Variants in DAB1 observed in about 807,000 individuals in gnomAD.
The protein encoded by DAB1 is DAB adaptor protein 1.
DAB1 carries 15 observed loss-of-function variants against 64.6 expected under a neutral mutation model. The ratio of observed to expected loss-of-function variants is 0.23; its 90% CI spans 0.16 to 0.36. The LOEUF is 0.36. Ranked by LOEUF, DAB1 falls within the 10% of genes least tolerant of loss-of-function variation. DAB1 has a pLI of 1.00. For synonymous variants in DAB1, 235 were observed against 251.9 expected (o/e 0.93, Z 0.64); for missense variants, 596 against 706.7 (o/e 0.84, Z 1.78).
chr1:57,508,935 A>G (rs192559176), intron 7 of DAB1, among the ~76,000 whole-genome samples: 30 of 151,880 alleles, frequency 2.0e-4, no homozygotes, highest in African/African-American at 5.1e-4. Context: ...CATATATAAA[A>G]TGCATTAATA....
intron 5 of DAB1, among the ~76,000 whole-genome samples, chr1:58,122,618 C>T (rs1652818923): frequency 6.6e-6 from 1 of 151,842 alleles, no homozygotes; most frequent in Non-Finnish European, 1.5e-5. Context: ...AATGCATTTT[C>T]ACACCACAGT....
chr1:58,227,933 C>T (rs1267351708), intron 4 of DAB1, among the ~76,000 whole-genome samples: 1 of 152,188 alleles, frequency 6.6e-6, no homozygotes, highest in African/African-American at 2.4e-5. Flanking sequence ...AGCAAGCTCT[C>T]TATGAGGCTG....
intron 7 of DAB1, among the ~76,000 whole-genome samples, chr1:57,510,799 C>T (rs1644396952): frequency 6.6e-6 from 1 of 151,994 alleles, no homozygotes; most frequent in South Asian, 2.1e-4. Flanking sequence ...ATTTTTTAGA[C>T]TCGGGGTCTC....
intron 1 of DAB1, among the ~76,000 whole-genome samples, chr1:58,532,519 A>G (rs972800692): frequency 7.9e-5 from 12 of 152,128 alleles, no homozygotes; most frequent in Non-Finnish European, 5.9e-5. Context: ...TTAAGAAAAA[A>G]AGATTTTTTT....
At chr1:57,403,480 G>A (rs979387390) in intron 1 of DAB1, among the ~76,000 whole-genome samples, 51 of 152,276 alleles carry the variant, frequency 3.3e-4, no homozygotes, top group African/African-American at 1.2e-3. Context: ...CTTGCAGACT[G>A]AAGCCAGAAT....
intron 1 of DAB1, among the ~76,000 whole-genome samples, chr1:57,841,580 A>C (rs1653050243): frequency 6.6e-6 from 1 of 152,168 alleles, no homozygotes; most frequent in African/African-American, 2.4e-5. Context: ...CAGGCCTAAC[A>C]CCACATGGAA....
chr1:57,415,314 C>T (rs1031279787), intron 1 of DAB1, among the ~76,000 whole-genome samples: 2 of 149,702 alleles, frequency 1.3e-5, no homozygotes, highest in African/African-American at 4.9e-5. Context: ...ATTAGAGAAC[C>T]TAAATTTGAA....
intron 7 of DAB1, among the ~76,000 whole-genome samples, chr1:57,462,813 T>C (rs1052948810): frequency 1.3e-5 from 2 of 152,104 alleles, no homozygotes; most frequent in South Asian, 4.2e-4. Context: ...AAAACTAATA[T>C]ATAATGTAGT....
intron 6 of DAB1, among the ~76,000 whole-genome samples, chr1:57,685,599 G>T (rs1646687642): frequency 2.0e-5 from 3 of 152,218 alleles, no homozygotes; most frequent in South Asian, 4.1e-4. Context: ...AACAACCAAA[G>T]AATATACATT....
chr1:58,299,659 C>T (rs1193850292), intron 4 of DAB1, among the ~76,000 whole-genome samples: 1 of 152,152 alleles, frequency 6.6e-6, no homozygotes, highest in Non-Finnish European at 1.5e-5. Flanking sequence ...AGTGCCCACA[C>T]CCATGCACCT....
intron 2 of DAB1, among the ~76,000 whole-genome samples, chr1:58,508,526 G>A (rs1557446101): frequency 6.6e-6 from 1 of 152,110 alleles, no homozygotes; most frequent in Non-Finnish European, 1.5e-5. Context: ...CATAATCTGC[G>A]AGAGCAATTA....
chr1:57,924,042 G>C (rs1570003064), intron 5 of DAB1, among the ~76,000 whole-genome samples: 1 of 152,152 alleles, frequency 6.6e-6, no homozygotes, highest in East Asian at 1.9e-4. Flanking sequence ...TGTTAGACAA[G>C]GCTGAATACA....
Position 58,074,523 on chromosome 1 carries a change from C to CATATAT in DAB1, n.387+75982_387+75987dup, listed in dbSNP as rs1233352276. ...CTCAGGGAAGATTCTAATATATATACATATATATATATATATATATACACA... is the reference window on the plus strand; with the variant it reads ...CTCAGGGAAGATTCTAATATATATACATATATATATATATATATATATATATACACA... On this transcript the variant is annotated intron_variant and non_coding_transcript_variant, in intron 5 of 20. Coordinates refer to the DAB1 transcript ENST00000485760. The CATATAT allele has an allele frequency of 4.1e-3, 343 of 84,136 alleles. 6 individuals are homozygous for CATATAT. Among genetic ancestry groups the CATATAT allele is most frequent in the African/African-American group, 0.011 (238 of 22,020 alleles). 5.2% of individuals were successfully genotyped at this position (84,136 alleles called of 1,614,324 possible). A position where few individuals can be genotyped will look rare whatever the true frequency, so the allele number is the denominator to read the frequency against.
rs115404757 is a variant in DAB1 at position 58,460,989 on chromosome 1, T to C, written n.257+45071A>G. 2.2e-3 allele frequency among the ~76,000 whole-genome samples: 332 copies of C among 152,300 alleles called. 3 individuals are homozygous for C. Among genetic ancestry groups the C allele is most frequent in the African/African-American group, 7.2e-3 (301 of 41,572 alleles). On this transcript the variant is annotated intron_variant and non_coding_transcript_variant, in intron 3 of 20. Transcript: ENST00000485760. The stretch of plus-strand genomic sequence containing the variant: ...TAGGGATGACTTGTGCCCAGTCAAG[T>C]AGAGTTACAGATTATATTATTTAAA...
chr1:57,724,836 G>C (rs895664211), intron 6 of DAB1, among the ~76,000 whole-genome samples: 9 of 152,184 alleles, frequency 5.9e-5, no homozygotes, highest in African/African-American at 7.2e-5. Flanking sequence ...ATTCTGGAGG[G>C]TGACTATCCC....
intron 1 of DAB1, among the ~76,000 whole-genome samples, chr1:57,343,178 C>T (rs1343293419): frequency 6.6e-6 from 1 of 152,116 alleles, no homozygotes; most frequent in African/African-American, 2.4e-5. Flanking sequence ...AGAGTGTCCA[C>T]ATAAAGGTTC....
intron 1 of DAB1, among the ~76,000 whole-genome samples, chr1:57,300,493 A>C (rs2100696531): frequency 6.6e-6 from 1 of 152,328 alleles, no homozygotes; most frequent in Non-Finnish European, 1.5e-5. Context: ...AGTAAATGTT[A>C]GTCACCTTAA....
At chr1:57,569,797 G>A (rs1645171983) in intron 7 of DAB1, among the ~76,000 whole-genome samples, 3 of 152,018 alleles carry the variant, frequency 2.0e-5, no homozygotes, top group Admixed American at 6.5e-5. Flanking sequence ...CCTTTATCAT[G>A]TGACATAAGA....
intron 6 of DAB1, among the ~76,000 whole-genome samples, chr1:57,790,289 T>C (rs902300217): frequency 3.3e-5 from 5 of 152,272 alleles, no homozygotes; most frequent in African/African-American, 2.4e-5. Flanking sequence ...CTCACGAGAT[T>C]TGATGCTTTT....
Sources: gnomAD v4.1 joint callset for allele counts (sites outside exome capture counted in the v4.1 genomes callset) on GRCh38, gnomAD v4.1.1 for gene constraint, MANE v1.5 for transcripts, NCBI Gene and HGNC (gene_info 2026-07-23, HGNC 2026-07-21) for gene names.